Variants in ANKRD30A observed in about 807,000 individuals in gnomAD.
ANKRD30A encodes the protein ankyrin repeat domain-containing protein 30A.
A neutral mutation model predicts 166.3 loss-of-function variants in ANKRD30A; 170 were observed. The ratio of observed to expected loss-of-function variants is 1.02; its 90% CI spans 0.90 to 1.16. The LOEUF (loss-of-function observed/expected upper bound fraction) is 1.16, where lower values mean the gene tolerates loss of function less well. Ranked by LOEUF, ANKRD30A falls within the 50% of genes most tolerant of loss-of-function variation. The pLI is 0.00. For synonymous variants in ANKRD30A, 564 were observed against 508.9 expected (o/e 1.11, Z -1.46); for missense variants, 1,630 against 1,518.0 (o/e 1.07, Z -1.23).
At chr10:37,226,895 C>T (rs1454553444) in intron 34 of ANKRD30A, among the ~76,000 whole-genome samples, 1 of 151,864 alleles carries the variant, frequency 6.6e-6, no homozygotes. Flanking sequence ...GTTTTATTTG[C>T]ATTCCCTAAT....
intron 11 of ANKRD30A, among the ~76,000 whole-genome samples, chr10:37,151,607 TA>T (rs1431823709): frequency 6.6e-6 from 1 of 152,092 alleles, no homozygotes; most frequent in East Asian, 1.9e-4. Flanking sequence ...TTAATACTCC[TA>T]AAAAATCTTA....
intron 31 of ANKRD30A, among the ~76,000 whole-genome samples, chr10:37,204,848 A>G (rs1353389919): frequency 6.6e-5 from 10 of 152,220 alleles, no homozygotes; most frequent in Non-Finnish European, 1.5e-4. Context: ...ACATGAAAAA[A>G]TCCTCATCAT....
intron 11 of ANKRD30A, among the ~76,000 whole-genome samples, chr10:37,150,105 C>T (rs1837812797): frequency 6.6e-6 from 1 of 152,050 alleles, no homozygotes; most frequent in Non-Finnish European, 1.5e-5. Context: ...CTATTTTGAA[C>T]TTCTGTAATT....
chr10:37,247,894 A>G, the ANKRD30A span, among the ~76,000 whole-genome samples: 27 of 151,788 alleles, frequency 1.8e-4, no homozygotes, highest in African/African-American at 6.3e-4. Flanking sequence ...AAAAAAAAAA[A>G]AAAAGAAAAA....
rs375525524 is a variant in ANKRD30A at position 37,132,228 on chromosome 10, G to A, written c.511-12G>A. ...AATTTCATGAATTATAAATTGTTTT[G>A]CTATTTTACAGGCTAGCCTCACACC... On this transcript the variant is annotated splice_polypyrimidine_tract_variant and intron_variant, in intron 3 of 35. Transcript: ENST00000361713. 9.1e-6 allele frequency: 14 copies of A among 1,530,638 alleles called. No individual in the cohort carries two copies. The African/African-American group carries it at 1.8e-4, about 20-fold the overall frequency. The allele number at this position is 1,530,638 out of a possible 1,614,324, so 94.8% of individuals were successfully genotyped here. A position where few individuals can be genotyped will look rare whatever the true frequency, so the allele number is the denominator to read the frequency against.
chr10:37,251,599 A>G, the ANKRD30A span, among the ~76,000 whole-genome samples: 2 of 152,048 alleles, frequency 1.3e-5, no homozygotes, highest in South Asian at 4.2e-4. Context: ...TGTGTGGATC[A>G]TGTCACAAAG....
the ANKRD30A span, among the ~76,000 whole-genome samples, chr10:37,254,449 G>C: frequency 6.6e-6 from 1 of 152,024 alleles, no homozygotes; most frequent in Non-Finnish European, 1.5e-5. Flanking sequence ...TTTTGATTTT[G>C]TATTTTCTTG....
intron 11 of ANKRD30A, among the ~76,000 whole-genome samples, chr10:37,151,827 T>C (rs1045479340): frequency 6.6e-6 from 1 of 152,094 alleles, no homozygotes; most frequent in Non-Finnish European, 1.5e-5. Flanking sequence ...CCATACAAGT[T>C]AATCAAATTT....
chr10:37,129,661 C>T (rs775708877), intron 1 of ANKRD30A, among the ~76,000 whole-genome samples: 5 of 152,092 alleles, frequency 3.3e-5, no homozygotes, highest in South Asian at 2.1e-4. Flanking sequence ...TATTCAAGCC[C>T]GAGTTGAACT....
intron 15 of ANKRD30A, among the ~76,000 whole-genome samples, chr10:37,161,402 CAG>C (rs1838855839): frequency 6.6e-6 from 1 of 151,976 alleles, no homozygotes; most frequent in South Asian, 2.1e-4. Flanking sequence ...AAATTTGAAA[CAG>C]TGTTGTATGG....
intron 15 of ANKRD30A, among the ~76,000 whole-genome samples, chr10:37,161,693 C>A (rs1838887604): frequency 1.3e-5 from 2 of 152,132 alleles, no homozygotes; most frequent in African/African-American, 4.8e-5. Flanking sequence ...CATTAGGTTT[C>A]TCTGTTACAA....
intron 34 of ANKRD30A, among the ~76,000 whole-genome samples, chr10:37,229,021 C>G (rs542858272): frequency 7.9e-5 from 12 of 152,090 alleles, no homozygotes; most frequent in Non-Finnish European, 1.5e-4. Context: ...GACTGGGAAA[C>G]TACAGTAATC....
At chr10:37,226,712 T>C (rs1408386279) in intron 34 of ANKRD30A, among the ~76,000 whole-genome samples, 3 of 151,900 alleles carry the variant, frequency 2.0e-5, no homozygotes, top group Admixed American at 6.6e-5. Flanking sequence ...TGTATACTTA[T>C]GAGTGGAATT....
At chr10:37,156,016 G>C (rs1055365815) in intron 13 of ANKRD30A, among the ~76,000 whole-genome samples, 8 of 151,554 alleles carry the variant, frequency 5.3e-5, no homozygotes, top group Admixed American at 4.6e-4. Flanking sequence ...GGGAGGCGGA[G>C]CTTGTAGCGA....
intron 27 of ANKRD30A, among the ~76,000 whole-genome samples, chr10:37,194,822 C>T (rs1403007831): frequency 1.3e-5 from 2 of 152,092 alleles, no homozygotes; most frequent in Non-Finnish European, 2.9e-5. Flanking sequence ...TTTCTAGCCA[C>T]TAAAAGTCGA....
intron 8 of ANKRD30A, among the ~76,000 whole-genome samples, chr10:37,146,460 C>T (rs1197784308): frequency 6.6e-6 from 1 of 150,872 alleles, no homozygotes; most frequent in African/African-American, 2.4e-5. Flanking sequence ...CGGCAGCGCT[C>T]CTCTGGAGGG....
intron 6 of ANKRD30A, among the ~76,000 whole-genome samples, chr10:37,141,400 G>A (rs1389723002): frequency 3.3e-5 from 5 of 151,680 alleles, no homozygotes; most frequent in East Asian, 3.9e-4. Flanking sequence ...GGTGAAACCC[G>A]TCTCTACTAA....
In ANKRD30A at chr10:37,219,144, T is replaced by C. The variant is rs781114516; in HGVS notation, c.3432T>C (p.Ala1144=). 2 of 1,610,184 alleles carry C rather than the reference T, an allele frequency of 1.2e-6. No homozygotes were observed. The highest frequency in any genetic ancestry group is 2.7e-5 in the African/African-American group (2 of 74,622). The change falls in exon 34 of 36, where the codon GCT becomes GCC. Residue 1144 remains alanine, a synonymous_variant. Coordinates refer to ENST00000361713, the MANE Select transcript of ANKRD30A (RefSeq NM_052997.3). ...EDIKILKEKN[A]ELQMTLKLKE... The stretch of plus-strand genomic sequence containing the variant: ...TTAAGATTTTAAAAGAAAAGAATGC[T>C]GAACTTCAGATGACCCTAAAACTGA...
Position 37,220,029 on chromosome 10 carries a change from A to ATATATATATG in ANKRD30A, c.4185+132_4185+133insTATATATATG, listed in dbSNP as rs1366777838. On this transcript the variant is annotated intron_variant, in intron 34 of 35. Coordinates refer to ENST00000361713, the MANE Select transcript of ANKRD30A (RefSeq NM_052997.3). ...TATATATATATATATATATATATAT[A>ATATATATATG]ATATATGTATGTATAAATAGATGAT... The ATATATATATG allele has an allele frequency of 2.1e-3, 308 of 148,418 alleles. 8 individuals are homozygous for ATATATATATG. Among genetic ancestry groups the ATATATATATG allele is most frequent in the Non-Finnish European group, 3.1e-3 (252 of 81,098 alleles). The allele number at this position is 148,418 out of a possible 1,614,324, so 9.2% of individuals were successfully genotyped here. A position where few individuals can be genotyped will look rare whatever the true frequency, so the allele number is the denominator to read the frequency against.
Sources: allele counts gnomAD v4.1 joint callset (sites outside exome capture counted in the v4.1 genomes callset), GRCh38; gene constraint gnomAD v4.1.1; transcripts MANE v1.5; gene names NCBI Gene and HGNC (gene_info 2026-07-23, HGNC 2026-07-21).